Variants in ROBO1 observed in about 807,000 individuals in gnomAD.
ROBO1 encodes roundabout homolog 1.
ROBO1 carries 149 observed loss-of-function variants against 195.9 expected under a neutral mutation model. That is an observed-to-expected ratio of 0.76 (90% CI 0.67 to 0.87). The LOEUF (loss-of-function observed/expected upper bound fraction) is 0.87, where lower values mean the gene tolerates loss of function less well. ROBO1 is among the 40% of genes least tolerant of loss of function. The probability of loss-of-function intolerance (pLI) is 0.00; values close to 1 mark genes in which losing one functional copy is unlikely to be tolerated. For synonymous variants in ROBO1, 816 were observed against 733.2 expected (o/e 1.11, Z -1.82); for missense variants, 1,933 against 2,068.3 (o/e 0.93, Z 1.27).
chr3:78,688,663 C>T lies in ROBO1; in HGVS notation c.1155G>A (p.Arg385=), dbSNP rs532851420. 274 of 1,603,000 alleles carry T rather than the reference C, an allele frequency of 1.7e-4. 1 individual carries two copies. The East Asian group carries it at 5.3e-3, about 31-fold the overall frequency. The change falls in exon 9 of 31, where the codon AGG becomes AGA. Residue 385 remains arginine (R), a synonymous_variant. Coordinates refer to ENST00000464233, the MANE Select transcript of ROBO1 (RefSeq NM_002941.4). ...TGNPQPAIFW[R]REGSQNLLFS... is the part of the protein sequence containing the mutation. ...AAGGTGGTACCTGACTCCCTTCTCTCCTCCAGAAAATAGCTGGTTGAGGAT... is the reference window on the plus strand; with the variant it reads ...AAGGTGGTACCTGACTCCCTTCTCTTCTCCAGAAAATAGCTGGTTGAGGAT...
chr3:78,701,162 G>C (rs1455011800), intron 8 of ROBO1, among the ~76,000 whole-genome samples: 1 of 152,180 alleles, frequency 6.6e-6, no homozygotes, highest in East Asian at 1.9e-4. Context: ...ATGTAATTTT[G>C]GTTCTGAAAT....
intron 2 of ROBO1, among the ~76,000 whole-genome samples, chr3:79,553,083 A>C (rs562568246): frequency 2.6e-5 from 4 of 152,188 alleles, no homozygotes; most frequent in East Asian, 3.9e-4. Context: ...CTAATTTCAC[A>C]GTTGATTTGT....
chr3:79,714,540 A>C (rs1702402132), intron 1 of ROBO1, among the ~76,000 whole-genome samples: 1 of 152,000 alleles, frequency 6.6e-6, no homozygotes, highest in South Asian at 2.1e-4. Context: ...CTATAAAGAC[A>C]CATGCACATG....
At chr3:79,689,793 C>G (rs565701302) in intron 1 of ROBO1, among the ~76,000 whole-genome samples, 1 of 151,852 alleles carries the variant, frequency 6.6e-6, no homozygotes, top group South Asian at 2.1e-4. Context: ...TTCATGTTTT[C>G]CTGGTTGAAA....
chr3:79,012,548 G>A (rs1327339185), intron 3 of ROBO1, among the ~76,000 whole-genome samples: 1 of 152,174 alleles, frequency 6.6e-6, no homozygotes, highest in Non-Finnish European at 1.5e-5. Context: ...AGCTGTGAAC[G>A]CCACAGAGGT....
chr3:78,827,061 A>G (rs909048390), intron 4 of ROBO1, among the ~76,000 whole-genome samples: 3 of 152,212 alleles, frequency 2.0e-5, no homozygotes, highest in African/African-American at 7.2e-5. Context: ...AGTTATAAAC[A>G]TAGTCCTCAA....
At chr3:79,402,454 T>C (rs2037401322) in intron 2 of ROBO1, among the ~76,000 whole-genome samples, 1 of 151,934 alleles carries the variant, frequency 6.6e-6, no homozygotes, top group Non-Finnish European at 1.5e-5. Context: ...CGCAGGCAAG[T>C]ATATGCAATA....
At chr3:79,617,820 CA>C (rs60181598) in intron 1 of ROBO1, among the ~76,000 whole-genome samples, 2,430 of 57,820 alleles carry the variant, frequency 0.042, 15 homozygotes, top group African/African-American at 0.046. Flanking sequence ...GACTCTGTCT[CA>C]AAAAAAAAAA....
At chr3:79,660,168 A>T (rs1946288953) in intron 1 of ROBO1, among the ~76,000 whole-genome samples, 1 of 151,908 alleles carries the variant, frequency 6.6e-6, no homozygotes, top group South Asian at 2.1e-4. Flanking sequence ...TAGGGAAATG[A>T]CTTTATAGCA....
intron 2 of ROBO1, among the ~76,000 whole-genome samples, chr3:79,447,518 C>T (rs1414562130): frequency 6.6e-6 from 1 of 152,186 alleles, no homozygotes. Flanking sequence ...CAAACTCTTT[C>T]GCCTTCCTTC....
chr3:79,018,532 T>A (rs2078014844), intron 3 of ROBO1: 1 of 1,599,694 alleles, frequency 6.3e-7, no homozygotes, highest in Non-Finnish European at 8.5e-7. Flanking sequence ...CCCAAATGTA[T>A]GAAGCCACAC....
At chr3:79,349,943 G>C (rs1488751025) in intron 2 of ROBO1, among the ~76,000 whole-genome samples, 1 of 152,080 alleles carries the variant, frequency 6.6e-6, no homozygotes, top group Non-Finnish European at 1.5e-5. Context: ...GAAAAAAACA[G>C]ATAAATAGGA....
In ROBO1 at chr3:79,662,417, G is replaced by A. The variant is rs77439636; in HGVS notation, c.-50-72456C>T. On this transcript the variant is annotated intron_variant, in intron 1 of 30. Coordinates refer to ENST00000464233, the MANE Select transcript of ROBO1 (RefSeq NM_002941.4). The stretch of plus-strand genomic sequence containing the variant: ...TTAGATCATTAAACCCTCATTCTTT[G>A]ACTGTAAAAATTTTTGCTTTTATTT... Among the ~76,000 whole-genome samples, 1,135 of 151,998 alleles carry A rather than the reference G, an allele frequency of 7.5e-3. 13 individuals are homozygous for A. Among genetic ancestry groups the A allele is most frequent in the African/African-American group, 0.026 (1,073 of 41,490 alleles).
chr3:78,934,589 T>C (rs2039699575), intron 4 of ROBO1, among the ~76,000 whole-genome samples: 1 of 151,950 alleles, frequency 6.6e-6, no homozygotes, highest in African/African-American at 2.4e-5. Flanking sequence ...TATATATGGC[T>C]TTTCTGCCCT....
In ROBO1 at chr3:78,746,841, C is replaced by A; in HGVS notation, c.559G>T (p.Ala187Ser). The A allele has an allele frequency of 6.3e-7, 1 of 1,598,484 alleles. No individual in the cohort carries two copies. Among genetic ancestry groups the A allele is most frequent in the Non-Finnish European group, 8.6e-7 (1 of 1,169,062 alleles). ...SDVMVAVGEP[A>S]VMECQPPRGH... ...CGTGGAGGTTGGCATTCCATTACTG[C>A]AGGCTCTCCTACTGCAACCATGACA... Residue 187 changes from alanine (A) to serine (S), a missense_variant, in exon 5 of 31, where the codon GCA becomes TCA. Around this residue, in one of 3 missense-constraint regions of ROBO1, gnomAD observed 1,737 missense variants for 1,882.5 expected, o/e 0.92. Transcript: ENST00000464233.
chr3:79,151,502 A>T (rs2080768833), intron 2 of ROBO1, among the ~76,000 whole-genome samples: 1 of 150,990 alleles, frequency 6.6e-6, no homozygotes, highest in Admixed American at 6.6e-5. Flanking sequence ...CCATGTCAAT[A>T]GCCCTCTAAC....
intron 8 of ROBO1, among the ~76,000 whole-genome samples, chr3:78,690,892 C>T (rs1022475724): frequency 6.6e-6 from 1 of 152,030 alleles, no homozygotes; most frequent in Admixed American, 6.6e-5. Flanking sequence ...TTATAAAATG[C>T]CAGTTCTCCT....
rs1309472411 is a variant in ROBO1 at position 79,021,753 on chromosome 3, C to T, written c.173-82826G>A. The stretch of plus-strand genomic sequence containing the variant: ...TCGGCTCACTGCAAGCTCCGCCTCC[C>T]GGGTTCACGCCATTCTCCTGCCTCA... On this transcript the variant is annotated intron_variant, in intron 3 of 30. Coordinates refer to ENST00000464233, the MANE Select transcript of ROBO1 (RefSeq NM_002941.4). 6.0e-5 allele frequency among the ~76,000 whole-genome samples: 9 copies of T among 149,582 alleles called. No homozygotes were observed. In the South Asian group the frequency reaches 6.4e-4, roughly 11 times the overall value.
chr3:79,312,072 G>A (rs1017795454), intron 2 of ROBO1, among the ~76,000 whole-genome samples: 9 of 152,050 alleles, frequency 5.9e-5, no homozygotes, highest in African/African-American at 1.9e-4. Flanking sequence ...GCCCCTCCAA[G>A]CTTGATTTGG....
Sources: gnomAD v4.1 joint callset for allele counts (sites outside exome capture counted in the v4.1 genomes callset) on GRCh38, gnomAD v4.1.1 for gene constraint, gnomAD v4.1.1 regional missense constraint, MANE v1.5 for transcripts, NCBI Gene and HGNC (gene_info 2026-07-23, HGNC 2026-07-21) for gene names.